The following TRRAP variants were observed in gnomAD, a reference collection of about 807,000 sequenced individuals.
The protein encoded by TRRAP is transformation/transcription domain-associated protein.
Under a neutral mutation model 438.8 loss-of-function variants are expected in TRRAP, and 41 were observed. The observed-to-expected ratio is 0.09, with a 90% CI of 0.07 to 0.12. The LOEUF is 0.12. Ranked by LOEUF, TRRAP falls within the 10% of genes least tolerant of loss-of-function variation. The pLI is 1.00. For missense variants in TRRAP, 3,122 were observed against 5,055.1 expected, an observed-to-expected ratio of 0.62 and a Z score of 11.60; for synonymous variants, 1,994 against 1,962.9, an observed-to-expected ratio of 1.02 and a Z score of -0.42.
At chr7:98,951,507 T>G (rs1411042352) in intron 39 of TRRAP, among the ~76,000 whole-genome samples, 3 of 152,198 alleles carry the variant, frequency 2.0e-5, no homozygotes, top group African/African-American at 7.2e-5. Context: ...CTTTACAGTT[T>G]GTGTTAGAGA....
At chr7:99,003,036 G>A (rs923070301) in intron 67 of TRRAP, among the ~76,000 whole-genome samples, 3 of 152,290 alleles carry the variant, frequency 2.0e-5, no homozygotes, top group African/African-American at 4.8e-5. Flanking sequence ...CTCCCGCCAC[G>A]ACTCAGCCAG....
At chr7:99,008,677 T>A in intron 70 of TRRAP, 116 bp downstream of exon 70, 1 of 1,151,598 alleles carries the variant, frequency 8.7e-7, no homozygotes, top group Non-Finnish European at 1.2e-6. Context: ...GGGCCACCTC[T>A]GTCATTTAAA....
At chr7:98,887,608 G>A (rs1178198800) in intron 3 of TRRAP, among the ~76,000 whole-genome samples, 2 of 151,068 alleles carry the variant, frequency 1.3e-5, no homozygotes, top group Non-Finnish European at 2.9e-5. Context: ...GGTGGGCTCT[G>A]TAATCCCAGC....
chr7:98,991,186 C>G (rs1391570065), intron 64 of TRRAP, among the ~76,000 whole-genome samples: 1 of 152,212 alleles, frequency 6.6e-6, no homozygotes, highest in Non-Finnish European at 1.5e-5. Context: ...GGATGTCCCT[C>G]TCCCGTGAAA....
chr7:98,894,500 T>C (rs1554405424), intron 6 of TRRAP, among the ~76,000 whole-genome samples: 1 of 152,036 alleles, frequency 6.6e-6, no homozygotes, highest in Non-Finnish European at 1.5e-5. Flanking sequence ...AAATTATTTA[T>C]TGAATTAAAT....
chr7:98,948,736 C>G lies in TRRAP; in HGVS notation c.4788+51C>G, dbSNP rs782090203. The G allele has an allele frequency of 6.2e-7, 1 of 1,612,614 alleles. No homozygotes were observed. The highest frequency in any genetic ancestry group is 8.5e-7 in the Non-Finnish European group (1 of 1,179,582). ...AGGGGTCCCTTCAAATGCTTGTGAG[C>G]TGTCGTGCTCTGAAATGTTCAGTTC... On this transcript the variant is annotated intron_variant, in intron 35 of 72. Transcript: ENST00000456197. The surrounding 1 kb of genome is among the most constrained non-coding windows in gnomAD (Gnocchi z 4.9).
intron 51 of TRRAP, 101 bp downstream of exon 51, chr7:98,967,799 G>A: frequency 9.5e-7 from 1 of 1,047,956 alleles, no homozygotes; most frequent in Non-Finnish European, 1.4e-6. Flanking sequence ...AGATGAATTG[G>A]AAATCTCCAG....
chr7:98,951,361 C>T (rs1412009646), intron 39 of TRRAP, among the ~76,000 whole-genome samples: 1 of 152,132 alleles, frequency 6.6e-6, no homozygotes, highest in African/African-American at 2.4e-5. Context: ...TTCAGTTTTA[C>T]AAAAGACTCT....
At chr7:98,958,258 G>A (rs1463606548) in intron 44 of TRRAP, among the ~76,000 whole-genome samples, 167 bp downstream of exon 44, 1 of 152,004 alleles carries the variant, frequency 6.6e-6, no homozygotes, top group Non-Finnish European at 1.5e-5. Context: ...TTTGTGGCAG[G>A]TTAACATTTC....
At chr7:98,904,537 C>T (rs1796632387) in intron 12 of TRRAP, among the ~76,000 whole-genome samples, 1 of 151,658 alleles carries the variant, frequency 6.6e-6, no homozygotes, top group African/African-American at 2.4e-5. Context: ...AGGTCACCTC[C>T]TTCCCGTTAC....
chr7:98,905,487 G>A (rs533178721), intron 12 of TRRAP, among the ~76,000 whole-genome samples: 1 of 152,202 alleles, frequency 6.6e-6, no homozygotes, highest in East Asian at 1.9e-4. Flanking sequence ...TGGACATGCT[G>A]TCGCTGCCCC....
intron 26 of TRRAP, among the ~76,000 whole-genome samples, chr7:98,932,287 G>A (rs1017605893): frequency 1.3e-5 from 2 of 151,886 alleles, no homozygotes; most frequent in African/African-American, 4.8e-5. Flanking sequence ...CTAATTTTTT[G>A]TATTTTTAGT....
At chr7:98,880,497 C>T (rs1485823990) in intron 1 of TRRAP, among the ~76,000 whole-genome samples, 3 of 152,032 alleles carry the variant, frequency 2.0e-5, no homozygotes, top group Non-Finnish European at 4.4e-5. Flanking sequence ...CTCCTGACCT[C>T]GTGATCTCCC....
chr7:98,985,070 A>G, intron 62 of TRRAP, 26 bp downstream of exon 62: 1 of 1,498,602 alleles, frequency 6.7e-7, no homozygotes, highest in South Asian at 1.2e-5. Context: ...TGAAAGGATA[A>G]GAGAAAAAAT....
Position 98,910,083 on chromosome 7 carries a change from G to T in TRRAP, c.1378G>T (p.Ala460Ser). Residue 460 changes from alanine (A) to serine (S), a missense_variant, in exon 15 of 73, where the codon GCT becomes TCT. Transcript: ENST00000456197. Reference sequence around the variant, plus strand: ...TTTCGTTCTCAAATTCCACACAATTGCTCGGTACCAGCTCTCTGCCATTTT... The same window carrying T: ...TTTCGTTCTCAAATTCCACACAATTTCTCGGTACCAGCTCTCTGCCATTTT... Reference protein sequence around the residue: ...EVFVLKFHTIARYQLSAIFKK... With the variant: ...EVFVLKFHTISRYQLSAIFKK... The T allele has an allele frequency of 6.4e-7, 1 of 1,556,208 alleles. No individual in the cohort carries two copies. Among genetic ancestry groups the T allele is most frequent in the Non-Finnish European group, 8.7e-7 (1 of 1,152,650 alleles).
chr7:98,953,190 G>A lies in TRRAP; in HGVS notation c.5487G>A (p.Ala1829=), dbSNP rs199515605. The part of the protein sequence containing the change: ...ITKVLDPEKQ[A]DMLDSLRIYL... ...AGGTCCTGGACCCCGAGAAGCAGGC[G>A]GACATGCTGGACTCGCTGCGGATCT... The change falls in exon 40 of 73, where the codon GCG becomes GCA. Residue 1829 remains alanine, a synonymous_variant. Transcript: ENST00000456197. 37 of 1,612,902 alleles carry A rather than the reference G, an allele frequency of 2.3e-5. No homozygotes were observed. The African/African-American group carries it at 2.5e-4, about 11-fold the overall frequency.
In TRRAP at chr7:98,983,369, G is replaced by A; in HGVS notation, c.8932G>A (p.Val2978Met). ...NNSLHDMKTV[V>M]KTWRNRLPIV... ...CAGCCTGCACGACATGAAGACGGTG[G>A]TGAAGACCTGGAGGAACCGACTGCC... The change falls in exon 60 of 73, where the codon GTG becomes ATG. Residue 2978 changes from valine to methionine, a missense_variant. Physicochemically the swap from Val to Met is conservative, Grantham distance 21. Transcript: ENST00000456197. The A allele has an allele frequency of 6.2e-7, 1 of 1,614,228 alleles. No homozygotes were observed. The highest frequency in any genetic ancestry group is 1.1e-5 in the South Asian group (1 of 91,084).
Position 98,988,954 on chromosome 7 carries a change from A to G in TRRAP, c.9579A>G (p.Lys3193=), listed in dbSNP as rs1224664931. 1 of 1,613,660 alleles carries G rather than the reference A, an allele frequency of 6.2e-7. No individual in the cohort carries two copies. The highest frequency in any genetic ancestry group is 1.7e-5 in the Admixed American group (1 of 59,950). The change falls in exon 63 of 73, where the codon AAA becomes AAG. Residue 3193 remains lysine (K), a synonymous_variant. Transcript: ENST00000456197. Reference sequence around the variant, plus strand: ...ATCAGAACGAGAGCAAATCGAGGAAATACTTAGCCAAGGTGAGACCGAAAA... The same window carrying G: ...ATCAGAACGAGAGCAAATCGAGGAAGTACTTAGCCAAGGTGAGACCGAAAA... ...CRHQNESKSR[K]YLAKVLWLLS...
intron 23 of TRRAP, among the ~76,000 whole-genome samples, chr7:98,928,860 A>G (rs1313877770): frequency 6.8e-6 from 1 of 147,694 alleles, no homozygotes; most frequent in East Asian, 2.0e-4. Flanking sequence ...TGCAGCCTCT[A>G]CCTGCTGAGC....
Sources: gnomAD v4.1 joint callset for allele counts (sites outside exome capture counted in the v4.1 genomes callset) on GRCh38, gnomAD v4.1.1 for gene constraint, Gnocchi (gnomAD v3.1) non-coding constraint, MANE v1.5 for transcripts, NCBI Gene and HGNC (gene_info 2026-07-23, HGNC 2026-07-21) for gene names.